The following PTPRD variants were observed in gnomAD, a reference collection of about 807,000 sequenced individuals.
The protein encoded by PTPRD is receptor-type tyrosine-protein phosphatase delta.
A neutral mutation model predicts 214.5 loss-of-function variants in PTPRD; 34 were observed. The ratio of observed to expected loss-of-function variants is 0.16; its 90% confidence interval spans 0.12 to 0.21. The LOEUF is 0.21. Ranked by LOEUF, PTPRD falls within the 10% of genes least tolerant of loss-of-function variation. The pLI is 1.00. For synonymous variants in PTPRD, 1,128 were observed against 845.7 expected, an observed-to-expected ratio of 1.33 and a Z score of -5.79; for missense variants, 2,545 against 2,398.7, an observed-to-expected ratio of 1.06 and a Z score of -1.27.
At chr9:9,898,193 A>C (rs1380976725) in intron 5 of PTPRD, among the ~76,000 whole-genome samples, 1 of 152,154 alleles carries the variant, frequency 6.6e-6, no homozygotes, top group African/African-American at 2.4e-5. Flanking sequence ...ATTAATATTA[A>C]GAGATTAACA....
chr9:9,373,786 G>A (rs1156883414), intron 9 of PTPRD, among the ~76,000 whole-genome samples: 1 of 152,216 alleles, frequency 6.6e-6, no homozygotes, highest in East Asian at 1.9e-4. Context: ...AAATTCACAG[G>A]TGCCATGGTT....
rs563171463 is a variant in PTPRD, at chr9:8,816,356, T to C, written c.-103-82410A>G. 3.3e-5 allele frequency among the ~76,000 whole-genome samples: 5 copies of C among 152,312 alleles called. No individual in the cohort carries two copies. In the South Asian group the frequency reaches 1.0e-3, roughly 32 times the overall value. Reference sequence around the variant, plus strand: ...CAGAAGAACAGAACTGCTTCAGCTATGGAAAGAATGAGATGAGCCAAGCAC... The same window carrying C: ...CAGAAGAACAGAACTGCTTCAGCTACGGAAAGAATGAGATGAGCCAAGCAC... On this transcript the variant is annotated intron_variant, in intron 11 of 45. Coordinates refer to ENST00000381196, the MANE Select transcript of PTPRD (RefSeq NM_002839.4).
At chr9:9,631,073 T>C (rs1377927664) in intron 7 of PTPRD, among the ~76,000 whole-genome samples, 1 of 152,064 alleles carries the variant, frequency 6.6e-6, no homozygotes, top group East Asian at 1.9e-4. Flanking sequence ...CTGTATAAAA[T>C]ATGAAGAGCA....
intron 9 of PTPRD, among the ~76,000 whole-genome samples, chr9:9,198,353 G>T (rs1229716597): frequency 6.6e-6 from 1 of 151,196 alleles, no homozygotes; most frequent in Non-Finnish European, 1.5e-5. Flanking sequence ...TCCATTTAAA[G>T]TTTCACTGGA....
At chr9:8,605,540 T>G (rs1042811141) in intron 14 of PTPRD, among the ~76,000 whole-genome samples, 6 of 152,268 alleles carry the variant, frequency 3.9e-5, no homozygotes, top group African/African-American at 1.4e-4. Flanking sequence ...AAACATGGGT[T>G]TACTCTAGAT....
intron 4 of PTPRD, among the ~76,000 whole-genome samples, chr9:9,939,509 C>T (rs921350224): frequency 6.6e-6 from 1 of 152,088 alleles, no homozygotes; most frequent in Non-Finnish European, 1.5e-5. Context: ...TTTTGATGCT[C>T]ACTGCTTATC....
chr9:9,534,719 G>C (rs956598578), intron 8 of PTPRD, among the ~76,000 whole-genome samples: 4 of 152,046 alleles, frequency 2.6e-5, no homozygotes, highest in Non-Finnish European at 5.9e-5. Flanking sequence ...AAATAGGGTA[G>C]AGAAAAGTGG....
intron 26 of PTPRD, among the ~76,000 whole-genome samples, chr9:8,495,655 G>C (rs2097248749): frequency 6.6e-6 from 1 of 152,128 alleles, no homozygotes; most frequent in Non-Finnish European, 1.5e-5. Flanking sequence ...TTAAAGCATG[G>C]TTCTATAAAA....
At chr9:9,594,124 G>A (rs540285883) in intron 7 of PTPRD, among the ~76,000 whole-genome samples, 2 of 152,086 alleles carry the variant, frequency 1.3e-5, no homozygotes, top group South Asian at 4.2e-4. Context: ...TATGAAAGAA[G>A]ATCACTTACT....
intron 3 of PTPRD, among the ~76,000 whole-genome samples, chr9:10,077,339 G>C (rs1009889570): frequency 6.6e-6 from 1 of 152,062 alleles, no homozygotes; most frequent in African/African-American, 2.4e-5. Context: ...ATGTACTCTA[G>C]CTTCCTAACT....
chr9:8,899,360 T>C (rs2098646846), intron 11 of PTPRD, among the ~76,000 whole-genome samples: 1 of 152,130 alleles, frequency 6.6e-6, no homozygotes, highest in South Asian at 2.1e-4. Flanking sequence ...ATTGACTGTG[T>C]TCTCAAACAT....
chr9:10,280,859 C>G (rs1358130603), intron 3 of PTPRD, among the ~76,000 whole-genome samples: 1 of 152,046 alleles, frequency 6.6e-6, no homozygotes, highest in East Asian at 1.9e-4. Context: ...AAGCTGTCCT[C>G]TCTCCTAGGC....
At chr9:10,186,215 AC>A (rs1238485795) in intron 3 of PTPRD, among the ~76,000 whole-genome samples, 1 of 152,118 alleles carries the variant, frequency 6.6e-6, no homozygotes, top group Non-Finnish European at 1.5e-5. Context: ...ATTAAACTCA[AC>A]CTGAGAGTCA....
chr9:9,353,641 G>T (rs569905169), intron 9 of PTPRD, among the ~76,000 whole-genome samples: 8 of 151,276 alleles, frequency 5.3e-5, no homozygotes, highest in Admixed American at 3.3e-4. Context: ...AAAAAATCCT[G>T]CTTCTGAAAG....
Position 8,331,667 on chromosome 9 carries a change from C to T in PTPRD, c.5449G>A (p.Gly1817Arg), listed in dbSNP as rs147793450. 238 of 1,613,782 alleles carry T rather than the reference C, an allele frequency of 1.5e-4. No individual in the cohort carries two copies. Among genetic ancestry groups the T allele is most frequent in the Non-Finnish European group, 3.8e-5 (45 of 1,179,932 alleles). Reference sequence around the variant, plus strand: ...CCGATGAAGTCAATAAATCCTTCTCCGGACTTTGGCACTCCTTGCTCTGGC... The same window carrying T: ...CCGATGAAGTCAATAAATCCTTCTCTGGACTTTGGCACTCCTTGCTCTGGC... ...DWPEQGVPKS[G>R]EGFIDFIGQV... The change falls in exon 44 of 46, where the codon GGA becomes AGA. Residue 1817 changes from glycine to arginine, a missense_variant. Transcript: ENST00000381196.
intron 3 of PTPRD, among the ~76,000 whole-genome samples, chr9:10,036,946 T>C (rs1310161): frequency 0.43 from 65,970 of 151,706 alleles, 16,252 homozygotes; most frequent in African/African-American, 0.66. Flanking sequence ...TGCAGTGGCA[T>C]GATCATGGTT....
At chr9:8,360,190 C>T (rs1205248057) in intron 39 of PTPRD, among the ~76,000 whole-genome samples, 3 of 152,170 alleles carry the variant, frequency 2.0e-5, no homozygotes, top group Admixed American at 6.5e-5. Context: ...ATTTGTGTCC[C>T]GTCATAGCCA....
chr9:9,548,592 T>C (rs1033541351), intron 8 of PTPRD, among the ~76,000 whole-genome samples: 2 of 151,620 alleles, frequency 1.3e-5, no homozygotes, highest in African/African-American at 4.8e-5. Flanking sequence ...AGAGATGGGG[T>C]TTCACCATGC....
intron 4 of PTPRD, among the ~76,000 whole-genome samples, chr9:9,942,469 A>G (rs2091724437): frequency 6.6e-6 from 1 of 152,128 alleles, no homozygotes; most frequent in East Asian, 1.9e-4. Flanking sequence ...TTATGCATCA[A>G]TTTGTATATA....
Sources: allele counts gnomAD v4.1 joint callset (sites outside exome capture counted in the v4.1 genomes callset), GRCh38; gene constraint gnomAD v4.1.1; transcripts MANE v1.5; gene names NCBI Gene and HGNC (gene_info 2026-07-23, HGNC 2026-07-21).